The following IL7 variants were observed in gnomAD, a reference collection of about 807,000 sequenced individuals.
IL7 encodes the protein interleukin-7.
IL7 carries 3 observed loss-of-function variants against 21.6 expected under a neutral mutation model. That is an observed-to-expected ratio of 0.14 (90% confidence interval 0.06 to 0.36). IL7 has a LOEUF of 0.36. IL7 is among the 10% of genes least tolerant of loss of function. IL7 has a pLI of 1.00. For missense variants in IL7, 175 were observed against 200.2 expected, an observed-to-expected ratio of 0.87 and a Z score of 0.76; for synonymous variants, 62 against 68.1, an observed-to-expected ratio of 0.91 and a Z score of 0.44.
At chr8:78,712,424 G>C (rs551473221) in intron 3 of IL7, among the ~76,000 whole-genome samples, 1 of 151,840 alleles carries the variant, frequency 6.6e-6, no homozygotes, top group African/African-American at 2.4e-5. Flanking sequence ...TTTTGTAATA[G>C]TAGTTTTAAA....
At chr8:78,750,978 G>A (rs1812148418) in intron 2 of IL7, among the ~76,000 whole-genome samples, 1 of 151,554 alleles carries the variant, frequency 6.6e-6, no homozygotes, top group African/African-American at 2.4e-5. Flanking sequence ...ATCAAAAACA[G>A]AAAGAAAATA....
intron 3 of IL7, chr8:78,689,424 T>C (rs1585999685): frequency 6.8e-7 from 1 of 1,478,452 alleles, no homozygotes; most frequent in Middle Eastern, 1.8e-4. Context: ...CTCATGGACA[T>C]TCATAGATTA....
intron 2 of IL7, among the ~76,000 whole-genome samples, chr8:78,794,554 T>C (rs1255156154): frequency 6.6e-6 from 1 of 152,112 alleles, no homozygotes; most frequent in Non-Finnish European, 1.5e-5. Context: ...GTCGCCTGTT[T>C]CCAGTAGAAG....
intron 2 of IL7, among the ~76,000 whole-genome samples, chr8:78,748,439 A>G (rs185528687): frequency 6.9e-4 from 105 of 152,342 alleles, no homozygotes; most frequent in African/African-American, 2.4e-3. Flanking sequence ...AAATTAAGCA[A>G]GATGGACATA....
chr8:78,686,570 G>A, intron 3 of IL7: 1 of 1,535,222 alleles, frequency 6.5e-7, no homozygotes, highest in Non-Finnish European at 8.8e-7. Context: ...AAAGAGGGTG[G>A]CAAACTTCCT....
At chr8:78,772,044 C>T (rs549343905) in intron 2 of IL7, among the ~76,000 whole-genome samples, 1 of 152,212 alleles carries the variant, frequency 6.6e-6, no homozygotes, top group South Asian at 2.1e-4. Flanking sequence ...GAATAATGGA[C>T]AGTGCAAGCA....
chr8:78,788,150 C>T lies in IL7; in HGVS notation c.147+9922G>A, dbSNP rs186089001. ...TAGTTTGTGTCTTGTTTCTTATTTTCGTGGTCAGCCTGGCTGGAGGCTTAT... is the reference window on the plus strand; with the variant it reads ...TAGTTTGTGTCTTGTTTCTTATTTTTGTGGTCAGCCTGGCTGGAGGCTTAT... On this transcript the variant is annotated intron_variant, in intron 2 of 5. Coordinates refer to ENST00000263851, the MANE Select transcript of IL7 (RefSeq NM_000880.4). Among the ~76,000 whole-genome samples, 45 of 152,152 alleles carry T rather than the reference C, an allele frequency of 3.0e-4. No homozygotes were observed. In the East Asian group the frequency reaches 5.8e-3, roughly 20 times the overall value.
chr8:78,762,578 C>A (rs1812611179), intron 2 of IL7: 1 of 378,152 alleles, frequency 2.6e-6, no homozygotes. Flanking sequence ...GGGCTAGAAG[C>A]CGCCGGGTTC....
chr8:78,795,101 G>A (rs183075759), intron 2 of IL7, among the ~76,000 whole-genome samples: 12 of 152,150 alleles, frequency 7.9e-5, no homozygotes, highest in South Asian at 2.1e-4. Flanking sequence ...GTTGTGAAAC[G>A]GAGGTAGTAA....
In IL7 at chr8:78,735,139, A is replaced by G. The variant is rs72661348; in HGVS notation, c.415-1307T>C. 2.6e-3 allele frequency among the ~76,000 whole-genome samples: 397 copies of G among 152,248 alleles called. 1 individual carries two copies. The highest frequency in any genetic ancestry group is 4.8e-3 in the Non-Finnish European group (328 of 68,010). On this transcript the variant is annotated intron_variant, in intron 5 of 5. Coordinates refer to ENST00000263851, the MANE Select transcript of IL7 (RefSeq NM_000880.4). Reference sequence around the variant, plus strand: ...AGTACAAGTTGAAGTTGATTTGCCTAAGCAGATTTGAAATATACAGATGTG... The same window carrying G: ...AGTACAAGTTGAAGTTGATTTGCCTGAGCAGATTTGAAATATACAGATGTG...
intron 2 of IL7, among the ~76,000 whole-genome samples, chr8:78,756,801 G>A (rs958992159): frequency 6.6e-6 from 1 of 151,368 alleles, no homozygotes; most frequent in Non-Finnish European, 1.5e-5. Flanking sequence ...TTTTCCAAGT[G>A]GTTTATGTTT....
intron 2 of IL7, among the ~76,000 whole-genome samples, chr8:78,752,067 C>T (rs551988338): frequency 6.6e-6 from 1 of 152,258 alleles, no homozygotes; most frequent in African/African-American, 2.4e-5. Context: ...ATAAAGTCCT[C>T]CAGGCTCATC....
At chr8:78,697,309 G>A (rs1810454139) in intron 3 of IL7, 9 of 986,664 alleles carry the variant, frequency 9.1e-6, no homozygotes, top group Non-Finnish European at 1.2e-5. Context: ...TTGTAAGGCT[G>A]AAATCCTAAA....
At chr8:78,702,987 C>T (rs1215646691) in intron 3 of IL7, among the ~76,000 whole-genome samples, 3 of 152,156 alleles carry the variant, frequency 2.0e-5, no homozygotes, top group Non-Finnish European at 2.9e-5. Context: ...ACCTCTGCCT[C>T]CTGGGTTCAA....
At chr8:78,774,649 C>T (rs185048822) in intron 2 of IL7, among the ~76,000 whole-genome samples, 1 of 152,066 alleles carries the variant, frequency 6.6e-6, no homozygotes, top group Non-Finnish European at 1.5e-5. Flanking sequence ...TAATACATGT[C>T]TCTGTGGTAC....
chr8:78,802,475 G>C (rs1214814807), intron 1 of IL7, among the ~76,000 whole-genome samples: 1 of 149,190 alleles, frequency 6.7e-6, no homozygotes. Context: ...CTATCATCTA[G>C]GCTGGAGTGC....
intron 3 of IL7, chr8:78,698,415 T>TGTTC (rs979636129): frequency 1.1e-5 from 18 of 1,608,742 alleles, no homozygotes; most frequent in Non-Finnish European, 1.5e-5. Context: ...TATTATAAGG[T>TGTTC]GTTCCTTCAG....
chr8:78,770,869 C>G (rs117477505), intron 2 of IL7, among the ~76,000 whole-genome samples: 1,698 of 152,072 alleles, frequency 0.011, 17 homozygotes, highest in South Asian at 0.031. Context: ...TAATTTAAGC[C>G]TTTAAGTTCC....
At chr8:78,721,679 A>G (rs1811241486) in intron 3 of IL7, among the ~76,000 whole-genome samples, 1 of 151,954 alleles carries the variant, frequency 6.6e-6, no homozygotes, top group South Asian at 2.1e-4. Flanking sequence ...TAAAACTTAA[A>G]ACCTGTCATG....
Sources: allele counts gnomAD v4.1 joint callset (sites outside exome capture counted in the v4.1 genomes callset), GRCh38; gene constraint gnomAD v4.1.1; transcripts MANE v1.5; gene names NCBI Gene and HGNC (gene_info 2026-07-23, HGNC 2026-07-21).